NSUN6: variants seen among roughly 807,000 people sequenced by gnomAD.
NSUN6 encodes tRNA (cytosine(72)-C(5))-methyltransferase NSUN6.
NSUN6 carries 64 observed loss-of-function variants against 58.0 expected under a neutral mutation model. That is an observed-to-expected ratio of 1.10 (90% CI 0.90 to 1.36). The LOEUF (loss-of-function observed/expected upper bound fraction) is 1.36. Ranked by LOEUF, NSUN6 falls within the 40% of genes most tolerant of loss-of-function variation. NSUN6 has a pLI of 0.00. For missense variants in NSUN6, 701 were observed against 550.1 expected (o/e 1.27, Z -2.74); for synonymous variants, 231 against 193.9 (o/e 1.19, Z -1.59).
chr10:18,548,235 C>T lies in NSUN6; in HGVS notation c.1074G>A (p.Ala358=), dbSNP rs150796172. Residue 358 remains alanine, a splice_region_variant and synonymous_variant, in exon 10 of 11, where the codon GCG becomes GCA. Coordinates refer to ENST00000377304, the MANE Select transcript of NSUN6 (RefSeq NM_182543.5). The stretch of plus-strand genomic sequence containing the variant: ...CACCCTCTGGCTTCAGCAGCTGAAC[C>T]GCCTAAAGAAAACTGTGATCAGACC... ...QPLQRKLFTA[A]VQLLKPEGVL... 1.6e-5 allele frequency: 26 copies of T among 1,611,504 alleles called. No homozygotes were observed. The highest frequency in any genetic ancestry group is 1.2e-4 in the South Asian group (11 of 90,686).
intron 6 of NSUN6, among the ~76,000 whole-genome samples, chr10:18,606,915 G>A (rs1232772318): frequency 1.3e-5 from 2 of 152,148 alleles, no homozygotes; most frequent in Non-Finnish European, 2.9e-5. Flanking sequence ...TGTTGGCTGA[G>A]ACCTATGAAA....
intron 3 of NSUN6, among the ~76,000 whole-genome samples, chr10:18,628,389 A>T (rs1311083863): frequency 6.6e-6 from 1 of 152,236 alleles, no homozygotes; most frequent in Non-Finnish European, 1.5e-5. Context: ...CCAGCAATGG[A>T]ACAAAGCTGG....
At chr10:18,608,309 G>A (rs1831031652) in intron 6 of NSUN6, among the ~76,000 whole-genome samples, 2 of 145,090 alleles carry the variant, frequency 1.4e-5, no homozygotes, top group South Asian at 2.2e-4. Flanking sequence ...AAGAAAATCT[G>A]CACTATACTA....
At chr10:18,609,698 T>A (rs568073198) in intron 6 of NSUN6, 147 bp downstream of exon 6, 240 of 476,132 alleles carry the variant, frequency 5.0e-4, no homozygotes, top group African/African-American at 4.4e-3. Flanking sequence ...GCTTGTAAAG[T>A]TTTTTCTTAC....
At chr10:18,637,020 T>C (rs2059240684) in intron 3 of NSUN6, among the ~76,000 whole-genome samples, 2 of 146,318 alleles carry the variant, frequency 1.4e-5, no homozygotes, top group Non-Finnish European at 3.0e-5. Context: ...TCCAGTGCAA[T>C]GGCGAGATCT....
chr10:18,575,970 G>C (rs1249672223), intron 8 of NSUN6, among the ~76,000 whole-genome samples: 1 of 152,142 alleles, frequency 6.6e-6, no homozygotes, highest in Non-Finnish European at 1.5e-5. Flanking sequence ...GGAAGGAGAA[G>C]CTCAAGCCAG....
At chr10:18,584,462 A>T (rs1262705337) in intron 8 of NSUN6, among the ~76,000 whole-genome samples, 1 of 152,208 alleles carries the variant, frequency 6.6e-6, no homozygotes, top group African/African-American at 2.4e-5. Context: ...GCAGCTAATC[A>T]GGTTTTTGGT....
intron 8 of NSUN6, among the ~76,000 whole-genome samples, chr10:18,552,288 T>C (rs541717591): frequency 1.0e-3 from 154 of 152,240 alleles, no homozygotes; most frequent in African/African-American, 3.6e-3. Flanking sequence ...GAATTAATTC[T>C]AGTTGTTCTG....
rs1170475510 is a variant in NSUN6, at chr10:18,600,941, A to AATATAT, written c.658-4620_658-4615dup. Among the ~76,000 whole-genome samples, 207 of 43,532 alleles carry AATATAT rather than the reference A, an allele frequency of 4.8e-3. 9 individuals carry two copies. Among genetic ancestry groups the AATATAT allele is most frequent in the African/African-American group, 0.015 (187 of 12,488 alleles). 28.6% of individuals were successfully genotyped at this position (43,532 alleles called of 152,430 possible). ...AGACTCCATCTCAAAAAAAAAAAAAAATATATATATATATATATACATATA... is the reference window on the plus strand; with the variant it reads ...AGACTCCATCTCAAAAAAAAAAAAAAATATATATATATATATATATATATACATATA... On this transcript the variant is annotated intron_variant, in intron 6 of 10. Transcript: ENST00000377304.
intron 10 of NSUN6, among the ~76,000 whole-genome samples, chr10:18,547,352 T>C (rs1408431671): frequency 6.6e-6 from 1 of 152,234 alleles, no homozygotes; most frequent in Non-Finnish European, 1.5e-5. Flanking sequence ...TATTTCCAAA[T>C]GAATTCCGAA....
intron 3 of NSUN6, among the ~76,000 whole-genome samples, chr10:18,626,822 C>T (rs2058826636): frequency 6.6e-6 from 1 of 152,108 alleles, no homozygotes; most frequent in African/African-American, 2.4e-5. Flanking sequence ...AAGACAAATC[C>T]AGTCTCATTT....
At chr10:18,635,268 C>T (rs1221778682) in intron 3 of NSUN6, among the ~76,000 whole-genome samples, 2 of 152,168 alleles carry the variant, frequency 1.3e-5, no homozygotes, top group African/African-American at 4.8e-5. Flanking sequence ...TCACCCCATG[C>T]CTCTTTTCCC....
At chr10:18,570,223 T>C (rs371462758) in intron 8 of NSUN6, among the ~76,000 whole-genome samples, 4 of 151,024 alleles carry the variant, frequency 2.6e-5, no homozygotes, top group East Asian at 2.0e-4. Context: ...TCCCATTCCA[T>C]TGCATTCTAT....
At chr10:18,556,543 AG>A (rs1449822882) in intron 8 of NSUN6, among the ~76,000 whole-genome samples, 1 of 150,826 alleles carries the variant, frequency 6.6e-6, no homozygotes, top group Non-Finnish European at 1.5e-5. Context: ...AGTGGTGAAT[AG>A]AATGAAATGG....
intron 8 of NSUN6, among the ~76,000 whole-genome samples, chr10:18,581,688 C>T (rs965486631): frequency 2.6e-5 from 4 of 151,860 alleles, no homozygotes; most frequent in Admixed American, 6.6e-5. Flanking sequence ...TACCTGGGTG[C>T]GGTGGCATGC....
intron 9 of NSUN6, among the ~76,000 whole-genome samples, chr10:18,548,910 A>G (rs1314636455): frequency 2.6e-5 from 4 of 152,070 alleles, no homozygotes; most frequent in Admixed American, 6.6e-5. Flanking sequence ...ACCAAGTCCT[A>G]TTGGCTCTAC....
intron 8 of NSUN6, among the ~76,000 whole-genome samples, chr10:18,583,413 C>T (rs767553864): frequency 6.6e-6 from 1 of 151,940 alleles, no homozygotes; most frequent in African/African-American, 2.4e-5. Flanking sequence ...CACACAGACG[C>T]GGTTGACAGT....
intron 8 of NSUN6, among the ~76,000 whole-genome samples, chr10:18,579,940 G>A (rs987777959): frequency 7.2e-5 from 11 of 152,140 alleles, no homozygotes; most frequent in Admixed American, 3.3e-4. Context: ...GCCCTAACCC[G>A]TTCCCAGCTT....
intron 8 of NSUN6, among the ~76,000 whole-genome samples, chr10:18,563,414 G>T (rs554792101): frequency 6.6e-6 from 1 of 151,000 alleles, no homozygotes; most frequent in Non-Finnish European, 1.5e-5. Flanking sequence ...GGTATGGAAC[G>T]GAATGGAGAA....
Sources: allele counts gnomAD v4.1 joint callset (sites outside exome capture counted in the v4.1 genomes callset), GRCh38; gene constraint gnomAD v4.1.1; transcripts MANE v1.5; gene names NCBI Gene and HGNC (gene_info 2026-07-23, HGNC 2026-07-21).